DNAH14: variants seen among roughly 807,000 people sequenced by gnomAD.
DNAH14 encodes axonemal beta dynein heavy chain 14.
In DNAH14, 478 loss-of-function variants were observed where a neutral mutation model predicts 520.9. The observed-to-expected ratio is 0.92, with a 90% CI of 0.85 to 0.99. DNAH14 has a LOEUF of 0.99. DNAH14 is among the 50% of genes least tolerant of loss of function. The pLI is 0.00. For synonymous variants in DNAH14, 1,581 were observed against 1,757.2 expected (o/e 0.90, Z 2.51); for missense variants, 4,831 against 5,234.5 (o/e 0.92, Z 2.38).
In DNAH14 at chr1:225,185,783, A is replaced by T. The variant is rs1455992632; in HGVS notation, c.5670+358A>T. Among the ~76,000 whole-genome samples the T allele has an allele frequency of 3.3e-5, 5 of 151,588 alleles. No individual in the cohort carries two copies. In the East Asian group the frequency reaches 9.6e-4, roughly 29 times the overall value. On this transcript the variant is annotated intron_variant, in intron 37 of 85. Transcript: ENST00000682510. ...TGAATTAACTTTCCAAGTTAATTTT[A>T]ATTAATTTCCAAGTTAACATTAATA...
At position 225,079,510 on chromosome 1, in the gene DNAH14, A is replaced by G. The variant is rs2072839441; in HGVS notation, c.2728A>G (p.Ser910Gly). ...KFRDNLEACISGLHVDVGNLK... is the reference protein window; with the variant it reads ...KFRDNLEACIGGLHVDVGNLK... Reference sequence around the variant, plus strand: ...CAGAGATAACTTGGAAGCATGTATCAGTGGTCTACATGTTGATGTTGGCAA... The same window carrying G: ...CAGAGATAACTTGGAAGCATGTATCGGTGGTCTACATGTTGATGTTGGCAA... The change falls in exon 18 of 86, where the codon AGT (serine) becomes GGT (glycine). Residue 910 changes from serine to glycine, a missense_variant. Transcript: ENST00000682510. The G allele has an allele frequency of 1.3e-6, 2 of 1,534,864 alleles. No homozygotes were observed. Among genetic ancestry groups the G allele is most frequent in the African/African-American group, 2.8e-5 (2 of 71,648 alleles).
Position 225,333,286 on chromosome 1 carries a change from T to A in DNAH14, c.9865-5T>A. On this transcript the variant is annotated splice_region_variant and splice_polypyrimidine_tract_variant and intron_variant, in intron 65 of 85. Coordinates refer to ENST00000682510, the MANE Select transcript of DNAH14 (RefSeq NM_001367479.1). ...AGAATAACTCATTTCTATTTTAACA[T>A]TTAGACTCGATGGCAAGAAACAATC... is the stretch of plus-strand genomic sequence containing the variant. The A allele has an allele frequency of 1.9e-6, 3 of 1,547,838 alleles. No individual in the cohort carries two copies. Among genetic ancestry groups the A allele is most frequent in the Non-Finnish European group, 2.6e-6 (3 of 1,144,098 alleles).
chr1:225,250,787 A>G, intron 43 of DNAH14: 1 of 455,498 alleles, frequency 2.2e-6, no homozygotes, highest in Non-Finnish European at 4.1e-6. Context: ...TAGTTTGAAT[A>G]ATTTCAGCAA....
At chr1:225,076,354 C>T (rs1261039245) in intron 17 of DNAH14, among the ~76,000 whole-genome samples, 1 of 152,072 alleles carries the variant, frequency 6.6e-6, no homozygotes, top group African/African-American at 2.4e-5. Flanking sequence ...CTGTGATGGG[C>T]CTGGTATTGG....
chr1:224,937,381 G>A (rs1257126746), intron 1 of DNAH14, among the ~76,000 whole-genome samples: 3 of 151,790 alleles, frequency 2.0e-5, no homozygotes, highest in African/African-American at 7.2e-5. Flanking sequence ...ATCAACATAC[G>A]AAAATCAGTA....
At chr1:225,357,742 A>G (rs1223268103) in intron 73 of DNAH14, 2 of 695,240 alleles carry the variant, frequency 2.9e-6, no homozygotes, top group African/African-American at 1.8e-5. Flanking sequence ...GCAACTTCCC[A>G]TGGTCCAACC....
chr1:225,267,220 CA>C lies in DNAH14; in HGVS notation c.7539+459del, dbSNP rs945417600. On this transcript the variant is annotated intron_variant, in intron 49 of 85. Transcript: ENST00000682510. ...ACAGCATTTTAAGGAATATCACAGT[CA>C]AAAAAAATTCCCAAGGTGGTATTTC... Among the ~76,000 whole-genome samples, 41 of 147,764 alleles carry C rather than the reference CA, an allele frequency of 2.8e-4. No homozygotes were observed. The East Asian group carries it at 5.5e-3, about 20-fold the overall frequency.
At chr1:225,353,949 T>G (rs2095401491) in intron 73 of DNAH14, 61 bp downstream of exon 73, 1 of 968,896 alleles carries the variant, frequency 1.0e-6, no homozygotes, top group Non-Finnish European at 1.6e-6. Flanking sequence ...TATTAGTAAC[T>G]TAAACCCTTC....
At chr1:224,960,419 A>G (rs2060773961) in intron 4 of DNAH14, 117 bp downstream of exon 4, 1 of 1,148,050 alleles carries the variant, frequency 8.7e-7, no homozygotes, top group East Asian at 2.8e-5. Flanking sequence ...ACTGAATTTT[A>G]TGTGTTTGGT....
At chr1:225,354,025 G>A (rs2095402651) in intron 73 of DNAH14, 137 bp downstream of exon 73, 12 of 664,652 alleles carry the variant, frequency 1.8e-5, no homozygotes, top group Middle Eastern at 6.5e-4. Context: ...ATAGGAGAGG[G>A]AAGCACCTAC....
chr1:225,199,425 C>CTT (rs1242609329), intron 38 of DNAH14, among the ~76,000 whole-genome samples: 1 of 151,914 alleles, frequency 6.6e-6, no homozygotes, highest in Non-Finnish European at 1.5e-5. Flanking sequence ...GAAGTGTGAC[C>CTT]TTAGAAAGTC....
intron 41 of DNAH14, among the ~76,000 whole-genome samples, chr1:225,214,773 T>A (rs1289448727): frequency 6.6e-6 from 1 of 152,232 alleles, no homozygotes; most frequent in Non-Finnish European, 1.5e-5. Flanking sequence ...TCATTTTTTA[T>A]TGCATCTATT....
Position 225,240,642 on chromosome 1 carries a change from A to G in DNAH14, c.6568A>G (p.Ile2190Val), listed in dbSNP as rs2091911802. The G allele has an allele frequency of 7.7e-6, 12 of 1,550,772 alleles. No individual in the cohort carries two copies. Among genetic ancestry groups the G allele is most frequent in the Non-Finnish European group, 1.0e-5 (12 of 1,146,404 alleles). ...GAAAAATCCTGATAAATTAACAAAA[A>G]TTATTCAAAAGCTTTTTGTGTTTGC... is the stretch of plus-strand genomic sequence containing the variant. ...PEKNPDKLTK[I>V]IQKLFVFAFT... is the part of the protein sequence containing the mutation. The change falls in exon 43 of 86, where the codon ATT becomes GTT. Residue 2190 changes from isoleucine (I) to valine (V), a missense_variant. Physicochemically the swap from Ile to Val is conservative, Grantham distance 29. Coordinates refer to ENST00000682510, the MANE Select transcript of DNAH14 (RefSeq NM_001367479.1).
intron 75 of DNAH14, among the ~76,000 whole-genome samples, chr1:225,363,533 A>T (rs566617952): frequency 1.3e-5 from 2 of 152,060 alleles, no homozygotes; most frequent in Non-Finnish European, 2.9e-5. Context: ...CCATACCCTA[A>T]ATCTCCTTTA....
intron 35 of DNAH14, among the ~76,000 whole-genome samples, chr1:225,161,175 C>A (rs1159573437): frequency 1.3e-5 from 2 of 152,108 alleles, no homozygotes; most frequent in African/African-American, 4.8e-5. Flanking sequence ...TCCCCCACTA[C>A]CCTGCCCAGC....
At chr1:225,249,393 A>G (rs900152227) in intron 43 of DNAH14, among the ~76,000 whole-genome samples, 1 of 152,160 alleles carries the variant, frequency 6.6e-6, no homozygotes, top group Non-Finnish European at 1.5e-5. Flanking sequence ...TACATTTTCA[A>G]TCCCTATCAA....
chr1:225,164,400 G>C (rs1207185999), intron 35 of DNAH14, among the ~76,000 whole-genome samples: 1 of 151,886 alleles, frequency 6.6e-6, no homozygotes, highest in South Asian at 2.1e-4. Context: ...ATCTTTGTTT[G>C]AACTGTCTAT....
chr1:225,094,728 C>G (rs1275214707), intron 21 of DNAH14, among the ~76,000 whole-genome samples: 1 of 141,548 alleles, frequency 7.1e-6, no homozygotes, highest in Non-Finnish European at 1.5e-5. Context: ...AAACAGACAA[C>G]CTATAGCATG....
intron 36 of DNAH14, among the ~76,000 whole-genome samples, chr1:225,173,239 A>C (rs1490028360): frequency 6.6e-6 from 1 of 152,240 alleles, no homozygotes; most frequent in Non-Finnish European, 1.5e-5. Context: ...CAATGGCAAC[A>C]AAAGCCAAAA....
Sources: gnomAD v4.1 joint callset for allele counts (sites outside exome capture counted in the v4.1 genomes callset) on GRCh38, gnomAD v4.1.1 for gene constraint, MANE v1.5 for transcripts, NCBI Gene and HGNC (gene_info 2026-07-23, HGNC 2026-07-21) for gene names.